Variants in PRIM2 observed in about 807,000 individuals in gnomAD.
PRIM2 encodes DNA primase large subunit.
A neutral mutation model predicts 67.3 loss-of-function variants in PRIM2; 39 were observed. That is an observed-to-expected ratio of 0.58 (90% CI 0.45 to 0.76). PRIM2 has a LOEUF of 0.76. Ranked by LOEUF, PRIM2 falls within the 30% of genes least tolerant of loss-of-function variation. The pLI is 0.00. For missense variants in PRIM2, 398 were observed against 598.7 expected, an observed-to-expected ratio of 0.66 and a Z score of 3.50; for synonymous variants, 143 against 198.7, an observed-to-expected ratio of 0.72 and a Z score of 2.36.
chr6:57,613,215 ATAATT>A (rs1174192313), intron 12 of PRIM2, among the ~76,000 whole-genome samples: 197 of 152,332 alleles, frequency 1.3e-3, no homozygotes, highest in Non-Finnish European at 1.9e-3. Context: ...GTATAAACAT[ATAATT>A]TAGAGTGACA....
chr6:57,635,655 A>G (rs1358496347), intron 13 of PRIM2, among the ~76,000 whole-genome samples: 6 of 152,244 alleles, frequency 3.9e-5, no homozygotes, highest in Admixed American at 6.5e-5. Context: ...ATTAAAACTT[A>G]TCACACATTT....
intron 10 of PRIM2, among the ~76,000 whole-genome samples, chr6:57,557,355 A>G (rs1458194001): frequency 1.3e-5 from 2 of 152,074 alleles, no homozygotes; most frequent in Admixed American, 6.6e-5. Context: ...TAGCAAAGAC[A>G]TGGAATCACC....
chr6:57,393,323 T>C (rs1770419644), intron 7 of PRIM2, among the ~76,000 whole-genome samples: 1 of 152,102 alleles, frequency 6.6e-6, no homozygotes. Context: ...ACATCTCCTG[T>C]TTTTTGATTT....
the PRIM2 span, among the ~76,000 whole-genome samples, chr6:57,283,647 T>G: frequency 6.6e-6 from 1 of 152,188 alleles, no homozygotes; most frequent in Non-Finnish European, 1.5e-5. Context: ...ATATGTGATT[T>G]CACTTGAGCA....
the PRIM2 span, among the ~76,000 whole-genome samples, chr6:57,297,905 G>A: frequency 0.085 from 12,975 of 152,194 alleles, 756 homozygotes; most frequent in East Asian, 0.21. Flanking sequence ...AAAGGAGACT[G>A]AGAAACCATG....
At chr6:57,549,077 T>A (rs1306993367) in intron 10 of PRIM2, among the ~76,000 whole-genome samples, 1 of 152,186 alleles carries the variant, frequency 6.6e-6, no homozygotes, top group Non-Finnish European at 1.5e-5. Flanking sequence ...AGTTTACTAA[T>A]GAAAAAACAG....
chr6:57,572,055 C>T (rs1775873881), intron 10 of PRIM2, among the ~76,000 whole-genome samples: 1 of 152,144 alleles, frequency 6.6e-6, no homozygotes, highest in African/African-American at 2.4e-5. Flanking sequence ...TATTTTGTAT[C>T]TCCAACTACA....
chr6:57,282,831 T>C, the PRIM2 span, among the ~76,000 whole-genome samples: 1 of 152,212 alleles, frequency 6.6e-6, no homozygotes, highest in Non-Finnish European at 1.5e-5. Flanking sequence ...ATTTCTGTGG[T>C]TTAAACTACC....
At chr6:57,515,582 A>G (rs1440227962) in intron 8 of PRIM2, among the ~76,000 whole-genome samples, 1 of 152,202 alleles carries the variant, frequency 6.6e-6, no homozygotes, top group Non-Finnish European at 1.5e-5. Flanking sequence ...GCGTGTGTAG[A>G]TTAGAGCCTT....
chr6:57,288,618 T>A, the PRIM2 span, among the ~76,000 whole-genome samples: 1 of 152,106 alleles, frequency 6.6e-6, no homozygotes, highest in African/African-American at 2.4e-5. Flanking sequence ...GGCAGCAATA[T>A]TTACTGTTCT....
At chr6:57,329,113 T>C (rs1446582628) in intron 5 of PRIM2, among the ~76,000 whole-genome samples, 2 of 151,526 alleles carry the variant, frequency 1.3e-5, no homozygotes, top group Non-Finnish European at 2.9e-5. Flanking sequence ...CTTGATGGTA[T>C]TGTTTGCAAC....
the PRIM2 span, among the ~76,000 whole-genome samples, chr6:57,231,146 A>C: frequency 1.3e-5 from 2 of 152,228 alleles, no homozygotes; most frequent in Admixed American, 1.3e-4. Context: ...GAAGCTTTCC[A>C]GAAAGTCCAC....
chr6:57,608,490 T>C (rs1369869157), intron 12 of PRIM2, among the ~76,000 whole-genome samples: 1 of 151,996 alleles, frequency 6.6e-6, no homozygotes, highest in Non-Finnish European at 1.5e-5. Flanking sequence ...TAGCACTTAG[T>C]AGGGAGGCTG....
At chr6:57,296,001 A>G in the PRIM2 span, among the ~76,000 whole-genome samples, 1 of 152,196 alleles carries the variant, frequency 6.6e-6, no homozygotes, top group Non-Finnish European at 1.5e-5. Flanking sequence ...AACCATATCA[A>G]TGTTTCATAC....
At chr6:57,584,333 C>G (rs1305426309) in intron 10 of PRIM2, among the ~76,000 whole-genome samples, 1 of 152,096 alleles carries the variant, frequency 6.6e-6, no homozygotes, top group Non-Finnish European at 1.5e-5. Flanking sequence ...TATGGCAGAG[C>G]CTTTGATACA....
At chr6:57,556,975 A>T (rs1775525018) in intron 10 of PRIM2, among the ~76,000 whole-genome samples, 1 of 141,034 alleles carries the variant, frequency 7.1e-6, no homozygotes, top group Non-Finnish European at 1.5e-5. Flanking sequence ...ACATGAACAG[A>T]TACTTTTCTA....
chr6:57,642,102 AC>A (rs1777247370), intron 13 of PRIM2, among the ~76,000 whole-genome samples: 2 of 152,174 alleles, frequency 1.3e-5, no homozygotes, highest in African/African-American at 4.8e-5. Flanking sequence ...GAAGCTGGAA[AC>A]CATCATTCTC....
At chr6:57,250,012 G>A in the PRIM2 span, among the ~76,000 whole-genome samples, 1 of 152,182 alleles carries the variant, frequency 6.6e-6, no homozygotes, top group Admixed American at 6.5e-5. Context: ...TCCTGTGTTA[G>A]TGCAAGTTCC....
At chr6:57,241,725 T>C in the PRIM2 span, among the ~76,000 whole-genome samples, 1 of 143,516 alleles carries the variant, frequency 7.0e-6, no homozygotes, top group Non-Finnish European at 1.5e-5. Flanking sequence ...TCTTGCTGAG[T>C]GCAGTGGCAC....
Sources: allele counts gnomAD v4.1 joint callset (sites outside exome capture counted in the v4.1 genomes callset), GRCh38; gene constraint gnomAD v4.1.1; transcripts MANE v1.5; gene names NCBI Gene and HGNC (gene_info 2026-07-23, HGNC 2026-07-21).